TTC23: variants seen among roughly 807,000 people sequenced by gnomAD.
TTC23 encodes the protein tetratricopeptide repeat protein 23.
A neutral mutation model predicts 55.1 loss-of-function variants in TTC23; 58 were observed. The observed-to-expected ratio is 1.05, with a 90% CI of 0.85 to 1.31. The LOEUF is 1.31. Among genes scored for constraint, TTC23 ranks in the 50% most tolerant of loss-of-function variants. The pLI is 0.00. For missense variants in TTC23, 516 were observed against 534.4 expected, an observed-to-expected ratio of 0.97 and a Z score of 0.34; for synonymous variants, 203 against 199.9, an observed-to-expected ratio of 1.02 and a Z score of -0.13.
chr15:99,142,223 G>A (rs1374143878), intron 12 of TTC23, among the ~76,000 whole-genome samples: 1 of 152,164 alleles, frequency 6.6e-6, no homozygotes. Context: ...TTGGAAGCCT[G>A]GGCACACTGG....
intron 10 of TTC23, among the ~76,000 whole-genome samples, chr15:99,171,447 A>G (rs1005151123): frequency 6.6e-6 from 1 of 151,924 alleles, no homozygotes; most frequent in Admixed American, 6.6e-5. Context: ...AAAGGATTCA[A>G]TGAGCATGTC....
intron 12 of TTC23, chr15:99,139,829 G>A (rs552781954): frequency 1.9e-6 from 2 of 1,059,582 alleles, no homozygotes; most frequent in African/African-American, 3.4e-5. Context: ...CTATACTCTT[G>A]ACTACACAGC....
At chr15:99,207,819 A>T (rs1295510669) in intron 8 of TTC23, among the ~76,000 whole-genome samples, 1 of 152,202 alleles carries the variant, frequency 6.6e-6, no homozygotes, top group Non-Finnish European at 1.5e-5. Flanking sequence ...ATTGAGAACT[A>T]TAAGAAGCCT....
At chr15:99,181,314 G>C (rs570403675) in intron 9 of TTC23, among the ~76,000 whole-genome samples, 18 of 152,344 alleles carry the variant, frequency 1.2e-4, no homozygotes, top group Non-Finnish European at 1.9e-4. Context: ...GAAATGGACT[G>C]GGCTGCCTAG....
chr15:99,196,008 C>T (rs1257014503), intron 9 of TTC23, among the ~76,000 whole-genome samples: 2 of 151,628 alleles, frequency 1.3e-5, no homozygotes, highest in Non-Finnish European at 2.9e-5. Flanking sequence ...ACAAAATAGC[C>T]GGGCATGGTG....
intron 9 of TTC23, among the ~76,000 whole-genome samples, chr15:99,185,230 A>C (rs184036438): frequency 1.3e-5 from 2 of 152,230 alleles, no homozygotes; most frequent in Non-Finnish European, 2.9e-5. Flanking sequence ...AAAATTAAAA[A>C]TAGCATTTTC....
intron 13 of TTC23, 47 bp from the exon 14 acceptor site, chr15:99,138,174 C>G (rs782733386): frequency 6.2e-7 from 1 of 1,601,962 alleles, no homozygotes. Flanking sequence ...CCTCAGCCCC[C>G]CACACCGTTC....
intron 9 of TTC23, among the ~76,000 whole-genome samples, chr15:99,192,933 T>G (rs1327696704): frequency 6.6e-6 from 1 of 152,236 alleles, no homozygotes; most frequent in Non-Finnish European, 1.5e-5. Flanking sequence ...CAGCATGACC[T>G]GGATGTGAGA....
intron 1 of TTC23, among the ~76,000 whole-genome samples, 153 bp from the exon 2 acceptor site, chr15:99,245,663 C>G (rs930477848): frequency 1.3e-5 from 2 of 151,834 alleles, no homozygotes; most frequent in Non-Finnish European, 2.9e-5. Context: ...AAACAATAAA[C>G]AGTGCTGGTA....
Position 99,175,136 on chromosome 15 carries a change from C to T in TTC23, c.779G>A (p.Ser260Asn). The T allele has an allele frequency of 6.2e-7, 1 of 1,614,156 alleles. No homozygotes were observed. Among genetic ancestry groups the T allele is most frequent in the Non-Finnish European group, 8.5e-7 (1 of 1,180,012 alleles). ...TGCCTCCACTTGAGAGGGGCTTCTA[C>T]TCAGGATGATAAGATGTGCCTGTCA... ...HFLQAHLIIL[S>N]RSPSQVEAAD... The change falls in exon 10 of 14, where the codon AGT (serine) becomes AAT (asparagine). Residue 260 changes from serine to asparagine, a missense_variant. Physicochemically the swap from Ser to Asn is conservative, Grantham distance 46. Coordinates refer to ENST00000394132, the MANE Select transcript of TTC23 (RefSeq NM_001288615.3).
chr15:99,197,828 C>T (rs902658190), intron 9 of TTC23, among the ~76,000 whole-genome samples: 1 of 151,906 alleles, frequency 6.6e-6, no homozygotes, highest in Non-Finnish European at 1.5e-5. Flanking sequence ...ATTGCTTGAA[C>T]CCAGGAGGTG....
chr15:99,228,578 G>C lies in TTC23; in HGVS notation c.135C>G (p.Leu45=). 6.2e-7 allele frequency: 1 copy of C among 1,613,774 alleles called. No homozygotes were observed. The highest frequency in any genetic ancestry group is 8.5e-7 in the Non-Finnish European group (1 of 1,179,796). The part of the protein sequence containing the change: ...TALFQPPREK[L]HLCEEKAKSY... ...ACTTTGCTTTCTCTTCACAGAGGTG[G>C]AGTTTCTCTCGAGGAGGCTGGAATA... Residue 45 remains leucine, a synonymous_variant, in exon 5 of 14, where the codon CTC becomes CTG. Transcript: ENST00000394132.
rs1295064110 is a variant in TTC23, at chr15:99,175,124, G to A, written c.791C>T (p.Ser264Phe). Residue 264 changes from serine to phenylalanine, a missense_variant, in exon 10 of 14, where the codon TCT (serine) becomes TTT (phenylalanine). Transcript: ENST00000394132. ...AHLIILSRSP[S>F]QVEAADSAHI... Reference sequence around the variant, plus strand: ...TGCCGAGTCTGCTGCCTCCACTTGAGAGGGGCTTCTACTCAGGATGATAAG... The same window carrying A: ...TGCCGAGTCTGCTGCCTCCACTTGAAAGGGGCTTCTACTCAGGATGATAAG... The A allele has an allele frequency of 1.2e-6, 2 of 1,614,056 alleles. No homozygotes were observed. The highest frequency in any genetic ancestry group is 1.7e-5 in the Admixed American group (1 of 60,004).
At chr15:99,187,452 C>CAAAAAAAAAAAAA (rs66568931) in intron 9 of TTC23, among the ~76,000 whole-genome samples, 756 of 44,092 alleles carry the variant, frequency 0.017, 16 homozygotes, top group African/African-American at 0.021. Flanking sequence ...AAAGCACAAG[C>CAAAAAAAAAAAAA]AAAAAAAAAA....
chr15:99,237,941 C>G (rs1024416025), intron 3 of TTC23, among the ~76,000 whole-genome samples: 1 of 151,952 alleles, frequency 6.6e-6, no homozygotes, highest in Non-Finnish European at 1.5e-5. Context: ...AAATTTCATC[C>G]TATTGCAACT....
chr15:99,141,270 G>A (rs1319520724), intron 12 of TTC23, among the ~76,000 whole-genome samples: 1 of 151,908 alleles, frequency 6.6e-6, no homozygotes, highest in East Asian at 1.9e-4. Context: ...TAACCACATA[G>A]ATGAATCTCA....
intron 9 of TTC23, among the ~76,000 whole-genome samples, chr15:99,180,439 T>C (rs1282107917): frequency 1.3e-5 from 2 of 151,918 alleles, no homozygotes; most frequent in South Asian, 2.1e-4. Flanking sequence ...CTTGTATGTA[T>C]GTCTGGGGGA....
rs186416490 is a variant in TTC23 at position 99,221,007 on chromosome 15, C to T, written c.304+734G>A. On this transcript the variant is annotated intron_variant, in intron 6 of 13. Transcript: ENST00000394132. ...CAATGAAGCCAAAAGAAAGGTTTAG[C>T]CAATCAGACTATTCCTTGCCTTTGG... Among the ~76,000 whole-genome samples the T allele has an allele frequency of 5.3e-5, 8 of 152,318 alleles. No individual in the cohort carries two copies. The South Asian group carries it at 1.0e-3, about 20-fold the overall frequency.
chr15:99,234,859 T>C (rs1246460015), intron 4 of TTC23, 129 bp downstream of exon 4: 1 of 151,832 alleles, frequency 6.6e-6, no homozygotes. Context: ...TTGATGAGGA[T>C]GGGAAATAAC....
Sources: gnomAD v4.1 joint callset for allele counts (sites outside exome capture counted in the v4.1 genomes callset) on GRCh38, gnomAD v4.1.1 for gene constraint, MANE v1.5 for transcripts, NCBI Gene and HGNC (gene_info 2026-07-23, HGNC 2026-07-21) for gene names.